Variants in TBC1D15 observed in about 807,000 individuals in gnomAD.
The protein encoded by TBC1D15 is GAP for RAB7.
TBC1D15 carries 39 observed loss-of-function variants against 95.4 expected under a neutral mutation model. The ratio of observed to expected loss-of-function variants is 0.41; its 90% confidence interval spans 0.32 to 0.53. TBC1D15 has a LOEUF of 0.53. Ranked by LOEUF, TBC1D15 falls within the 20% of genes least tolerant of loss-of-function variation. The pLI is 0.29. For missense variants in TBC1D15, 733 were observed against 794.3 expected, an observed-to-expected ratio of 0.92 and a Z score of 0.93; for synonymous variants, 258 against 261.3, an observed-to-expected ratio of 0.99 and a Z score of 0.12.
chr12:71,848,175 T>C (rs1886814341), intron 1 of TBC1D15, among the ~76,000 whole-genome samples: 1 of 152,166 alleles, frequency 6.6e-6, no homozygotes. Context: ...TTTATGAAAA[T>C]ATGCTTTCAT....
At chr12:71,848,110 A>C (rs1886801947) in intron 1 of TBC1D15, among the ~76,000 whole-genome samples, 2 of 151,210 alleles carry the variant, frequency 1.3e-5, no homozygotes, top group Non-Finnish European at 2.9e-5. Context: ...AAAAATAATA[A>C]AACAAACAAA....
rs371305670 is a variant in TBC1D15 at position 71,872,958 on chromosome 12, A to T, written c.159A>T (p.Pro53=). 2.5e-6 allele frequency: 4 copies of T among 1,610,350 alleles called. No homozygotes were observed. Among genetic ancestry groups the T allele is most frequent in the Non-Finnish European group, 2.5e-6 (3 of 1,178,714 alleles). The change falls in exon 3 of 17, where the codon CCA becomes CCT. Residue 53 remains proline (P), a synonymous_variant. Coordinates refer to ENST00000485960, the MANE Select transcript of TBC1D15 (RefSeq NM_001146213.3). ...CCGAAGTAATAGTGGACTGGAGACCATTGGATGATGCATTAGATTCCTCTA... is the reference window on the plus strand; with the variant it reads ...CCGAAGTAATAGTGGACTGGAGACCTTTGGATGATGCATTAGATTCCTCTA... ...KDAEVIVDWR[P]LDDALDSSSI... is the part of the protein sequence containing the mutation.
intron 6 of TBC1D15, 75 bp downstream of exon 6, chr12:71,893,399 A>G (rs1897563584): frequency 1.0e-6 from 1 of 977,598 alleles, no homozygotes. Flanking sequence ...ATCTTCTCAG[A>G]GAGTATGCAA....
intron 1 of TBC1D15, among the ~76,000 whole-genome samples, chr12:71,870,567 C>G (rs767854247): frequency 6.6e-6 from 1 of 152,166 alleles, no homozygotes; most frequent in East Asian, 1.9e-4. Flanking sequence ...ATAACACATC[C>G]GAGAGAGGCA....
At chr12:71,860,918 A>T (rs1264853881) in intron 1 of TBC1D15, among the ~76,000 whole-genome samples, 2 of 152,110 alleles carry the variant, frequency 1.3e-5, no homozygotes, top group African/African-American at 4.8e-5. Context: ...ATCATGAGGG[A>T]TGTTTAATAT....
chr12:71,849,655 A>T lies in TBC1D15; in HGVS notation c.30+9844A>T, dbSNP rs144082004. ...GAGACATCGTCAGCTAGTCGGTAGT[A>T]GTTTTCCATCAGCAACTCTATCTCC... On this transcript the variant is annotated intron_variant, in intron 1 of 16. Transcript: ENST00000485960. 3.4e-4 allele frequency: 193 copies of T among 568,618 alleles called. No individual in the cohort carries two copies. The African/African-American group carries it at 3.5e-3, about 10-fold the overall frequency. The allele number at this position is 568,618 out of a possible 1,614,324, so 35.2% of individuals were successfully genotyped here.
chr12:71,868,728 A>G (rs1892029907), intron 1 of TBC1D15: 1 of 152,216 alleles, frequency 6.6e-6, no homozygotes, highest in African/African-American at 2.4e-5. Flanking sequence ...ATTTGATTGT[A>G]TAGGGTTCAC....
intron 5 of TBC1D15, among the ~76,000 whole-genome samples, chr12:71,886,429 C>G (rs919208245): frequency 6.6e-6 from 1 of 152,226 alleles, no homozygotes; most frequent in Non-Finnish European, 1.5e-5. Context: ...CTCGGCCTCC[C>G]GAAGTGCTAG....
chr12:71,870,821 C>T (rs1444918938), intron 1 of TBC1D15, among the ~76,000 whole-genome samples: 1 of 152,050 alleles, frequency 6.6e-6, no homozygotes, highest in Non-Finnish European at 1.5e-5. Context: ...TAAGGAGTTC[C>T]TAGTGTATAA....
chr12:71,866,127 T>C (rs1448286652), intron 1 of TBC1D15, among the ~76,000 whole-genome samples: 1 of 152,066 alleles, frequency 6.6e-6, no homozygotes, highest in African/African-American at 2.4e-5. Flanking sequence ...GTACCAACTT[T>C]TCACAGCTGG....
At chr12:71,848,193 G>C (rs571152990) in intron 1 of TBC1D15, among the ~76,000 whole-genome samples, 1 of 152,332 alleles carries the variant, frequency 6.6e-6, no homozygotes, top group East Asian at 1.9e-4. Flanking sequence ...CATTTTTCTT[G>C]ATTGGATACC....
Position 71,921,468 on chromosome 12 carries a change from C to A in TBC1D15, c.1803+14C>A. On this transcript the variant is annotated intron_variant, in intron 16 of 16. Coordinates refer to ENST00000485960, the MANE Select transcript of TBC1D15 (RefSeq NM_001146213.3). ...GTAAAATGCAAGGTATACAGTGTTT[C>A]AAGTAATTGCAAGATTTGTTTGTTT... is the stretch of plus-strand genomic sequence containing the variant. 1 of 1,396,036 alleles carries A rather than the reference C, an allele frequency of 7.2e-7. No homozygotes were observed. Among genetic ancestry groups the A allele is most frequent in the Non-Finnish European group, 9.6e-7 (1 of 1,042,556 alleles). 86.5% of individuals were successfully genotyped at this position (1,396,036 alleles called of 1,614,324 possible).
At chr12:71,866,372 G>C (rs1891514448) in intron 1 of TBC1D15, among the ~76,000 whole-genome samples, 1 of 152,240 alleles carries the variant, frequency 6.6e-6, no homozygotes, top group African/African-American at 2.4e-5. Context: ...GTTAGTGCCT[G>C]TGAGGACTGC....
At position 71,851,685 on chromosome 12, in the gene TBC1D15, G is replaced by C. The variant is rs141395001; in HGVS notation, c.30+11874G>C. ...ACATGCAAGCCTGAAACCCAGCAGG[G>C]CAGTCATTAAATCTTAAAGCTCCAA... is the stretch of plus-strand genomic sequence containing the variant. On this transcript the variant is annotated intron_variant, in intron 1 of 16. Coordinates refer to ENST00000485960, the MANE Select transcript of TBC1D15 (RefSeq NM_001146213.3). Among the ~76,000 whole-genome samples, 130 of 152,352 alleles carry C rather than the reference G, an allele frequency of 8.5e-4. 1 individual carries two copies. In the East Asian group the frequency reaches 0.02, roughly 24 times the overall value.
chr12:71,884,388 C>T (rs1895814628), intron 4 of TBC1D15, among the ~76,000 whole-genome samples: 1 of 152,032 alleles, frequency 6.6e-6, no homozygotes. Context: ...TCTCCTAATT[C>T]TTATTAATAG....
chr12:71,899,914 G>A (rs1159854870), intron 10 of TBC1D15, among the ~76,000 whole-genome samples: 1 of 152,070 alleles, frequency 6.6e-6, no homozygotes, highest in Non-Finnish European at 1.5e-5. Flanking sequence ...AGCTGCGATT[G>A]TGCCACTACA....
chr12:71,855,787 C>T (rs111938049), intron 1 of TBC1D15, among the ~76,000 whole-genome samples: 8 of 151,302 alleles, frequency 5.3e-5, no homozygotes, highest in Non-Finnish European at 1.2e-4. Flanking sequence ...CACTTTCTTG[C>T]ATTTCTTTAT....
chr12:71,872,186 G>A lies in TBC1D15; in HGVS notation c.129+18G>A. 1 of 1,411,260 alleles carries A rather than the reference G, an allele frequency of 7.1e-7. No homozygotes were observed. Among genetic ancestry groups the A allele is most frequent in the Non-Finnish European group, 9.6e-7 (1 of 1,037,278 alleles). 87.4% of individuals were successfully genotyped at this position (1,411,260 alleles called of 1,614,324 possible). A position where few individuals can be genotyped will look rare whatever the true frequency, so the allele number is the denominator to read the frequency against. ...TAGAAAAGGTAAGTTTCTAGTAAATGATTTTATTTAATAATAGTTTATGGT... is the reference window on the plus strand; with the variant it reads ...TAGAAAAGGTAAGTTTCTAGTAAATAATTTTATTTAATAATAGTTTATGGT... On this transcript the variant is annotated intron_variant, in intron 2 of 16. Transcript: ENST00000485960.
At chr12:71,911,713 T>G (rs1902403574) in intron 11 of TBC1D15, among the ~76,000 whole-genome samples, 1 of 151,850 alleles carries the variant, frequency 6.6e-6, no homozygotes, top group Admixed American at 6.6e-5. Flanking sequence ...GCATGGCACA[T>G]GTATACATAT....
Sources: allele counts gnomAD v4.1 joint callset (sites outside exome capture counted in the v4.1 genomes callset), GRCh38; gene constraint gnomAD v4.1.1; transcripts MANE v1.5; gene names NCBI Gene and HGNC (gene_info 2026-07-23, HGNC 2026-07-21).